TMTC1: variants seen among roughly 807,000 people sequenced by gnomAD.
The protein encoded by TMTC1 is protein O-mannosyl-transferase TMTC1.
In TMTC1, 73 loss-of-function variants were observed where a neutral mutation model predicts 104.8. The observed-to-expected ratio is 0.70, with a 90% confidence interval of 0.58 to 0.85. TMTC1 has a LOEUF of 0.85. Ranked by LOEUF, TMTC1 falls within the 40% of genes least tolerant of loss-of-function variation. The pLI is 0.00. For missense variants in TMTC1, 1,035 were observed against 1,096.1 expected (o/e 0.94, Z 0.79); for synonymous variants, 434 against 428.7 (o/e 1.01, Z -0.15).
intron 8 of TMTC1, among the ~76,000 whole-genome samples, chr12:29,579,236 C>T (rs2136319086): frequency 6.6e-6 from 1 of 152,284 alleles, no homozygotes; most frequent in Admixed American, 6.5e-5. Flanking sequence ...ATATGATTGG[C>T]AAGCAAAACT....
At chr12:29,758,021 A>G (rs1306239676) in intron 3 of TMTC1, among the ~76,000 whole-genome samples, 1 of 152,214 alleles carries the variant, frequency 6.6e-6, no homozygotes, top group African/African-American at 2.4e-5. Flanking sequence ...GGGTGGAGAC[A>G]CAGCCAAACC....
intron 16 of TMTC1, among the ~76,000 whole-genome samples, chr12:29,512,712 C>T (rs891224231): frequency 6.6e-6 from 1 of 152,114 alleles, no homozygotes; most frequent in Non-Finnish European, 1.5e-5. Flanking sequence ...GTTACTTATC[C>T]CTCAAGCACT....
chr12:29,597,221 T>TTTTC lies in TMTC1; in HGVS notation c.1250+6953_1250+6956dup, dbSNP rs1159595123. Among the ~76,000 whole-genome samples, 949 of 148,038 alleles carry TTTTC rather than the reference T, an allele frequency of 6.4e-3. 22 individuals are homozygous for TTTTC. The highest frequency in any genetic ancestry group is 0.051 in the East Asian group (262 of 5,126). On this transcript the variant is annotated intron_variant, in intron 7 of 17. Coordinates refer to ENST00000539277, the MANE Select transcript of TMTC1 (RefSeq NM_001193451.2). ...TTTTTTTCTTTTCTTTTCTTTTTCT[T>TTTTC]TTTCTTTCTTTCTTTTCTTTCTTTT...
intron 5 of TMTC1, among the ~76,000 whole-genome samples, chr12:29,731,325 T>C (rs1376382431): frequency 6.6e-6 from 1 of 152,098 alleles, no homozygotes; most frequent in Non-Finnish European, 1.5e-5. Context: ...CCCGGCTAAT[T>C]TCTGTATCTT....
chr12:29,643,707 T>TATAAA (rs1328293559), intron 5 of TMTC1, among the ~76,000 whole-genome samples: 1 of 26,596 alleles, frequency 3.8e-5, no homozygotes, highest in Non-Finnish European at 6.0e-5. Flanking sequence ...ATATTATATA[T>TATAAA]TATATATATA....
At chr12:29,597,201 T>C (rs919192754) in intron 7 of TMTC1, among the ~76,000 whole-genome samples, 1 of 151,758 alleles carries the variant, frequency 6.6e-6, no homozygotes, top group Admixed American at 6.6e-5. Context: ...AACTTTTTTT[T>C]TCTTTTCTTT....
intron 5 of TMTC1, among the ~76,000 whole-genome samples, chr12:29,706,442 A>G (rs1328200290): frequency 1.3e-5 from 2 of 152,194 alleles, no homozygotes; most frequent in Non-Finnish European, 1.5e-5. Context: ...TTTATCTTTG[A>G]TCTAAAGTAA....
chr12:29,758,636 A>G, intron 3 of TMTC1, 68 bp downstream of exon 3: 3 of 1,449,812 alleles, frequency 2.1e-6, no homozygotes, highest in South Asian at 1.2e-5. Context: ...CCTCTCAGGC[A>G]CATGCTCCCA....
chr12:29,667,189 T>C (rs540327414), intron 5 of TMTC1, among the ~76,000 whole-genome samples: 2 of 152,328 alleles, frequency 1.3e-5, no homozygotes, highest in East Asian at 3.9e-4. Flanking sequence ...CTTGAACCCA[T>C]GAAGTGCCTC....
intron 2 of TMTC1, 78 bp downstream of exon 2, chr12:29,767,820 A>ATG (rs386376083): frequency 5.4e-6 from 7 of 1,296,968 alleles, no homozygotes; most frequent in African/African-American, 3.0e-5. Context: ...ATGTATATAT[A>ATG]TGTGTGTGTA....
At chr12:29,781,822 T>A (rs570536765) in intron 1 of TMTC1, among the ~76,000 whole-genome samples, 2 of 151,408 alleles carry the variant, frequency 1.3e-5, no homozygotes, top group Non-Finnish European at 2.9e-5. Context: ...CAGAGTGAGA[T>A]CCCATCCCAA....
intron 6 of TMTC1, among the ~76,000 whole-genome samples, chr12:29,616,680 A>C (rs1451853829): frequency 1.3e-5 from 2 of 151,924 alleles, no homozygotes; most frequent in African/African-American, 4.8e-5. Flanking sequence ...AAAAAAAAAA[A>C]AAAAAAAAAA....
intron 6 of TMTC1, among the ~76,000 whole-genome samples, chr12:29,630,381 T>C (rs1938235074): frequency 6.6e-6 from 1 of 152,000 alleles, no homozygotes; most frequent in Non-Finnish European, 1.5e-5. Context: ...AATAAAACCA[T>C]CAGATCTCGT....
chr12:29,760,733 A>T lies in TMTC1; in HGVS notation c.481-1956T>A, dbSNP rs901933447. ...ATAAATGAATATATATTACGCTAACAAATTATAAATTTTATGTGTAGCAAT... is the reference window on the plus strand; with the variant it reads ...ATAAATGAATATATATTACGCTAACTAATTATAAATTTTATGTGTAGCAAT... On this transcript the variant is annotated intron_variant, in intron 2 of 17. Transcript: ENST00000539277. 4.0e-5 allele frequency among the ~76,000 whole-genome samples: 6 copies of T among 151,736 alleles called. No homozygotes were observed. In the South Asian group the frequency reaches 1.2e-3, roughly 32 times the overall value.
intron 5 of TMTC1, among the ~76,000 whole-genome samples, chr12:29,711,260 T>G (rs1941917948): frequency 1.3e-5 from 2 of 152,162 alleles, no homozygotes; most frequent in East Asian, 3.9e-4. Flanking sequence ...ATTATCCACT[T>G]GAGCCACTGC....
intron 6 of TMTC1, among the ~76,000 whole-genome samples, chr12:29,606,567 C>CT (rs1209726829): frequency 1.3e-5 from 2 of 152,152 alleles, no homozygotes; most frequent in Admixed American, 1.3e-4. Flanking sequence ...AGCTAAAATA[C>CT]TTTTTTACAA....
chr12:29,538,402 G>A (rs778912470), intron 10 of TMTC1, among the ~76,000 whole-genome samples: 12 of 152,182 alleles, frequency 7.9e-5, no homozygotes, highest in Non-Finnish European at 1.3e-4. Flanking sequence ...CTCCAAAAAT[G>A]CATAAATCTT....
chr12:29,671,615 C>T lies in TMTC1; in HGVS notation c.939-38279G>A, dbSNP rs553186545. On this transcript the variant is annotated intron_variant, in intron 5 of 17. Coordinates refer to ENST00000539277, the MANE Select transcript of TMTC1 (RefSeq NM_001193451.2). ...GCTATTGCTATGCTCATTTTATAGA[C>T]GGGGAAACTGAGGTGTAAAAAAGTG... Among the ~76,000 whole-genome samples, 7 of 152,172 alleles carry T rather than the reference C, an allele frequency of 4.6e-5. No individual in the cohort carries two copies. The East Asian group carries it at 9.7e-4, about 21-fold the overall frequency.
chr12:29,776,745 T>TTTG, intron 1 of TMTC1, among the ~76,000 whole-genome samples: 1 of 152,178 alleles, frequency 6.6e-6, no homozygotes, highest in Middle Eastern at 3.4e-3. Context: ...CAGAGGAGTG[T>TTTG]TTGCTACTTT....
Sources: allele counts gnomAD v4.1 joint callset (sites outside exome capture counted in the v4.1 genomes callset), GRCh38; gene constraint gnomAD v4.1.1; transcripts MANE v1.5; gene names NCBI Gene and HGNC (gene_info 2026-07-23, HGNC 2026-07-21).